Variants in BNC2 observed in about 807,000 individuals in gnomAD.
BNC2 encodes zinc finger protein basonuclin-2.
BNC2 carries 20 observed loss-of-function variants against 76.3 expected under a neutral mutation model. The observed-to-expected ratio is 0.26, with a 90% CI of 0.18 to 0.38. BNC2 has a LOEUF of 0.38. Ranked by LOEUF, BNC2 falls within the 10% of genes least tolerant of loss-of-function variation. The pLI, the probability that BNC2 is intolerant of heterozygous loss-of-function variation, is 1.00. For missense variants in BNC2, 1,382 were observed against 1,399.8 expected, an observed-to-expected ratio of 0.99 and a Z score of 0.20; for synonymous variants, 582 against 514.8, an observed-to-expected ratio of 1.13 and a Z score of -1.77.
At chr9:16,605,784 C>CTTTTTTTTTTT (rs34431220) in intron 3 of BNC2, among the ~76,000 whole-genome samples, 1 of 110,762 alleles carries the variant, frequency 9.0e-6, no homozygotes, top group African/African-American at 3.6e-5. Context: ...TTCAAGAATT[C>CTTTTTTTTTTT]TTTTTTTTTT....
chr9:16,762,396 G>C (rs1023375566), intron 1 of BNC2, among the ~76,000 whole-genome samples: 2 of 152,100 alleles, frequency 1.3e-5, no homozygotes, highest in African/African-American at 2.4e-5. Flanking sequence ...TAGTAAAACA[G>C]TATTTCGAAA....
At chr9:16,657,775 A>G (rs550373628) in intron 3 of BNC2, among the ~76,000 whole-genome samples, 16 of 152,330 alleles carry the variant, frequency 1.1e-4, no homozygotes, top group Non-Finnish European at 2.2e-4. Context: ...ATACAAATAC[A>G]CAAATGCATC....
chr9:16,825,249 C>CTCGTCAACT (rs1444675132), intron 1 of BNC2, among the ~76,000 whole-genome samples: 1 of 152,088 alleles, frequency 6.6e-6, no homozygotes, highest in Non-Finnish European at 1.5e-5. Flanking sequence ...TACTCATCAA[C>CTCGTCAACT]CGTCAAAGTT....
intron 2 of BNC2, among the ~76,000 whole-genome samples, chr9:16,729,646 A>G (rs545056806): frequency 1.8e-4 from 27 of 152,366 alleles, no homozygotes; most frequent in South Asian, 1.2e-3. Flanking sequence ...TTGTTGCCTT[A>G]AAATATATTA....
intron 3 of BNC2, among the ~76,000 whole-genome samples, chr9:16,698,182 C>T (rs747258104): frequency 1.3e-4 from 20 of 152,200 alleles, no homozygotes; most frequent in Non-Finnish European, 2.2e-4. Flanking sequence ...TAGCCCTGCA[C>T]AGAACAGATT....
chr9:16,776,404 T>G (rs1170270823), intron 1 of BNC2, among the ~76,000 whole-genome samples: 5 of 152,158 alleles, frequency 3.3e-5, no homozygotes, highest in African/African-American at 7.2e-5. Context: ...CCTCCAAAAG[T>G]GCTAGGATTA....
intron 5 of BNC2, among the ~76,000 whole-genome samples, chr9:16,456,123 A>G (rs902949666): frequency 6.6e-6 from 1 of 152,184 alleles, no homozygotes; most frequent in Non-Finnish European, 1.5e-5. Context: ...ACTACCTATC[A>G]AGGACTTAAT....
At chr9:16,671,161 G>T (rs544629153) in intron 3 of BNC2, among the ~76,000 whole-genome samples, 43 of 152,020 alleles carry the variant, frequency 2.8e-4, no homozygotes, top group Non-Finnish European at 8.8e-5. Flanking sequence ...GTTTTCCCTG[G>T]TCCTTCATTT....
intron 1 of BNC2, chr9:16,867,392 G>C (rs1336245528): frequency 6.6e-6 from 1 of 152,110 alleles, no homozygotes; most frequent in East Asian, 1.9e-4. Flanking sequence ...GGGGATCGTA[G>C]GTTGTTTAGA....
chr9:16,786,226 T>A (rs1563942638), intron 1 of BNC2, among the ~76,000 whole-genome samples: 2 of 152,206 alleles, frequency 1.3e-5, no homozygotes, highest in African/African-American at 2.4e-5. Context: ...GAAATTTGCT[T>A]TCTCTTAACT....
intron 3 of BNC2, among the ~76,000 whole-genome samples, chr9:16,584,054 C>T (rs1468447772): frequency 2.0e-5 from 3 of 152,212 alleles, no homozygotes; most frequent in Non-Finnish European, 4.4e-5. Flanking sequence ...ACAGTTAATT[C>T]TAATTTGCAT....
chr9:16,507,619 GGGT>G (rs1822659755), intron 5 of BNC2, among the ~76,000 whole-genome samples: 2 of 152,264 alleles, frequency 1.3e-5, no homozygotes, highest in Admixed American at 1.3e-4. Flanking sequence ...AGTAGAGACA[GGGT>G]TTCATTATGT....
At chr9:16,660,379 G>C (rs1484204905) in intron 3 of BNC2, among the ~76,000 whole-genome samples, 1 of 151,974 alleles carries the variant, frequency 6.6e-6, no homozygotes, top group Admixed American at 6.6e-5. Flanking sequence ...GCTTGAACCT[G>C]GGAGGCAGAA....
In BNC2 at chr9:16,416,183, G is replaced by C. The variant is rs550415278; in HGVS notation, c.*2806C>G. 32 of 152,332 alleles carry C rather than the reference G, an allele frequency of 2.1e-4. No individual in the cohort carries two copies. Among genetic ancestry groups the C allele is most frequent in the Non-Finnish European group, 3.4e-4 (23 of 68,034 alleles). 9.4% of individuals were successfully genotyped at this position (152,332 alleles called of 1,614,324 possible). ...CAGACTAAACATTGCTGTTGTACAA[G>C]ATGAGTTCTAGTAACTCAACTGAGT... On this transcript the variant is annotated 3_prime_UTR_variant, in exon 7 of 7. Transcript: ENST00000380672.
intron 3 of BNC2, among the ~76,000 whole-genome samples, chr9:16,619,858 TG>T (rs1349942948): frequency 2.6e-5 from 4 of 152,210 alleles, no homozygotes; most frequent in African/African-American, 9.6e-5. Flanking sequence ...AAAAGAAAGG[TG>T]GTAAGTGTTC....
At chr9:16,622,093 G>A (rs1379874918) in intron 3 of BNC2, among the ~76,000 whole-genome samples, 2 of 152,018 alleles carry the variant, frequency 1.3e-5, no homozygotes, top group Non-Finnish European at 2.9e-5. Context: ...TTAACCTCCT[G>A]AGCTTCATCA....
At chr9:16,849,352 A>ATT (rs35561834) in intron 1 of BNC2, among the ~76,000 whole-genome samples, 3,543 of 90,082 alleles carry the variant, frequency 0.039, 133 homozygotes, top group African/African-American at 0.062. Context: ...CATGCAAAAG[A>ATT]TTTTTTTTTT....
At chr9:16,468,251 T>C (rs893572284) in intron 5 of BNC2, among the ~76,000 whole-genome samples, 6 of 151,956 alleles carry the variant, frequency 3.9e-5, no homozygotes, top group African/African-American at 1.2e-4. Flanking sequence ...CCTACCTCTT[T>C]TGCAAAGTCT....
intron 1 of BNC2, among the ~76,000 whole-genome samples, chr9:16,741,484 A>G (rs188516311): frequency 6.6e-6 from 1 of 152,166 alleles, no homozygotes; most frequent in Admixed American, 6.5e-5. Context: ...TGAATCAGTA[A>G]GAAATGAGTA....
Sources: allele counts gnomAD v4.1 joint callset (sites outside exome capture counted in the v4.1 genomes callset), GRCh38; gene constraint gnomAD v4.1.1; transcripts MANE v1.5; gene names NCBI Gene and HGNC (gene_info 2026-07-23, HGNC 2026-07-21).